PARN: variants seen among roughly 807,000 people sequenced by gnomAD.
PARN encodes poly(A)-specific ribonuclease, also known as poly(A)-specific ribonuclease PARN.
PARN carries 71 observed loss-of-function variants against 102.8 expected under a neutral mutation model. That is an observed-to-expected ratio of 0.69 (90% CI 0.57 to 0.84). The LOEUF (loss-of-function observed/expected upper bound fraction) is 0.84. Ranked by LOEUF, PARN falls within the 40% of genes least tolerant of loss-of-function variation. PARN has a pLI of 0.00. For missense variants in PARN, 782 were observed against 760.9 expected (o/e 1.03, Z -0.33); for synonymous variants, 261 against 252.9 (o/e 1.03, Z -0.30).
chr16:14,619,900 T>A (rs1652753387), intron 5 of PARN, among the ~76,000 whole-genome samples: 1 of 150,030 alleles, frequency 6.7e-6, no homozygotes, highest in South Asian at 2.1e-4. Context: ...TGAAACCCCG[T>A]CTCTACTAAA....
chr16:14,501,360 C>A (rs1279894467), intron 21 of PARN, among the ~76,000 whole-genome samples: 3 of 133,744 alleles, frequency 2.2e-5, no homozygotes, highest in Admixed American at 8.4e-5. Context: ...ATAGTCCCAG[C>A]TACTTGGGAC....
At chr16:14,599,199 C>T (rs1020406281) in intron 12 of PARN, among the ~76,000 whole-genome samples, 2 of 152,088 alleles carry the variant, frequency 1.3e-5, no homozygotes, top group Admixed American at 6.6e-5. Context: ...TATACCACCA[C>T]ACCTGGCTAA....
chr16:14,612,992 T>A (rs1417734043), intron 6 of PARN, among the ~76,000 whole-genome samples: 6 of 151,940 alleles, frequency 3.9e-5, no homozygotes, highest in Non-Finnish European at 2.9e-5. Flanking sequence ...TACATTTAGT[T>A]ATCATTGGGA....
chr16:14,600,482 C>A (rs972746108), intron 11 of PARN, among the ~76,000 whole-genome samples: 4 of 152,112 alleles, frequency 2.6e-5, no homozygotes, highest in African/African-American at 9.7e-5. Flanking sequence ...CAGTGTCTCT[C>A]TTATCTTGAA....
In PARN at chr16:14,617,693, G is replaced by A. The variant is rs559579481; in HGVS notation, c.328-43C>T. 7.9e-5 allele frequency: 93 copies of A among 1,180,650 alleles called. 3 individuals are homozygous for A. The highest frequency in any genetic ancestry group is 4.9e-4 in the South Asian group (40 of 82,174). 73.1% of individuals were successfully genotyped at this position (1,180,650 alleles called of 1,614,324 possible). On this transcript the variant is annotated intron_variant, in intron 5 of 23. Coordinates refer to ENST00000437198, the MANE Select transcript of PARN (RefSeq NM_002582.4). ...GAACACATGTTTTGGGGATGTTAGC[G>A]GCAGGAATATAAAGAGATGCAGAGA...
chr16:14,436,361 G>A lies in PARN; in HGVS notation c.*356C>T, dbSNP rs775510731. On this transcript the variant is annotated 3_prime_UTR_variant, in exon 24 of 24. Coordinates refer to ENST00000437198, the MANE Select transcript of PARN (RefSeq NM_002582.4). Reference sequence around the variant, plus strand: ...CATGATCACAGCAGCTGGAATGTCAGCTCTTTTTGCAGATTTCACAGCCGA... The same window carrying A: ...CATGATCACAGCAGCTGGAATGTCAACTCTTTTTGCAGATTTCACAGCCGA... The A allele has an allele frequency of 6.5e-5, 18 of 277,878 alleles. No homozygotes were observed. Among genetic ancestry groups the A allele is most frequent in the Non-Finnish European group, 1.2e-4 (17 of 147,286 alleles). The allele number at this position is 277,878 out of a possible 1,614,324, so 17.2% of individuals were successfully genotyped here. A position where few individuals can be genotyped will look rare whatever the true frequency, so the allele number is the denominator to read the frequency against.
At chr16:14,571,259 C>T (rs967489485) in intron 18 of PARN, among the ~76,000 whole-genome samples, 4 of 150,908 alleles carry the variant, frequency 2.7e-5, no homozygotes, top group Admixed American at 6.6e-5. Flanking sequence ...TGGCGGGCAC[C>T]TGTAATCCCA....
At chr16:14,457,931 G>GT (rs1961760870) in intron 22 of PARN, among the ~76,000 whole-genome samples, 1 of 145,608 alleles carries the variant, frequency 6.9e-6, no homozygotes, top group African/African-American at 2.5e-5. Flanking sequence ...TGTGTGTGTG[G>GT]GTGTGTGTGT....
At chr16:14,459,056 T>C (rs1448602381) in intron 22 of PARN, among the ~76,000 whole-genome samples, 3 of 152,134 alleles carry the variant, frequency 2.0e-5, no homozygotes, top group African/African-American at 7.2e-5. Flanking sequence ...ACCTTACAGC[T>C]AATTCATATT....
chr16:14,465,041 G>T (rs1466588899), intron 22 of PARN, among the ~76,000 whole-genome samples: 1 of 152,142 alleles, frequency 6.6e-6, no homozygotes, highest in Non-Finnish European at 1.5e-5. Flanking sequence ...ATACTTACAT[G>T]GGTAAATAGA....
At chr16:14,598,101 G>A (rs558590760) in intron 12 of PARN, among the ~76,000 whole-genome samples, 8 of 152,096 alleles carry the variant, frequency 5.3e-5, no homozygotes, top group South Asian at 2.1e-4. Context: ...CCAGGATTGC[G>A]CCACTGCACT....
chr16:14,467,645 T>C (rs1962442097), intron 22 of PARN, among the ~76,000 whole-genome samples: 1 of 152,240 alleles, frequency 6.6e-6, no homozygotes, highest in Admixed American at 6.5e-5. Context: ...AAAAATGGCA[T>C]GAAAAGTCTT....
At chr16:14,579,215 G>A (rs1049627363) in intron 18 of PARN, among the ~76,000 whole-genome samples, 28 of 152,136 alleles carry the variant, frequency 1.8e-4, no homozygotes, top group African/African-American at 5.1e-4. Context: ...TGATCTGCCC[G>A]CCTTGTTCTC....
At chr16:14,456,733 A>G (rs1961697068) in intron 22 of PARN, among the ~76,000 whole-genome samples, 1 of 151,852 alleles carries the variant, frequency 6.6e-6, no homozygotes, top group Non-Finnish European at 1.5e-5. Flanking sequence ...TCCAAGTTCA[A>G]TGTTCTTGGC....
intron 13 of PARN, among the ~76,000 whole-genome samples, chr16:14,588,648 C>T (rs1252117982): frequency 2.0e-5 from 3 of 151,944 alleles, no homozygotes; most frequent in Admixed American, 6.6e-5. Flanking sequence ...GAAAGCCGAG[C>T]GGGTGGATCA....
chr16:14,463,715 A>G (rs1260759589), intron 22 of PARN, among the ~76,000 whole-genome samples: 2 of 152,180 alleles, frequency 1.3e-5, no homozygotes, highest in Admixed American at 6.5e-5. Flanking sequence ...TGTGACCTAG[A>G]GGACAACTTC....
chr16:14,509,682 A>G (rs1480517618), intron 21 of PARN, among the ~76,000 whole-genome samples: 1 of 152,222 alleles, frequency 6.6e-6, no homozygotes, highest in Non-Finnish European at 1.5e-5. Flanking sequence ...CACTTGAAAG[A>G]TACTTTTATT....
At chr16:14,575,645 G>C (rs553532469) in intron 18 of PARN, among the ~76,000 whole-genome samples, 21 of 152,300 alleles carry the variant, frequency 1.4e-4, no homozygotes, top group Admixed American at 3.3e-4. Flanking sequence ...GCGGAAGGGA[G>C]ACTTGCCTTG....
intron 22 of PARN, among the ~76,000 whole-genome samples, chr16:14,473,258 C>T (rs900756145): frequency 2.0e-5 from 3 of 152,208 alleles, no homozygotes; most frequent in African/African-American, 7.2e-5. Flanking sequence ...TAGTGTACTA[C>T]ACGAATTTTT....
Sources: allele counts gnomAD v4.1 joint callset (sites outside exome capture counted in the v4.1 genomes callset), GRCh38; gene constraint gnomAD v4.1.1; transcripts MANE v1.5; gene names NCBI Gene and HGNC (gene_info 2026-07-23, HGNC 2026-07-21).